HTR3D: variants seen among roughly 807,000 people sequenced by gnomAD.
The protein encoded by HTR3D is 5-hydroxytryptamine (serotonin) receptor 3 family member D.
Under a neutral mutation model 45.8 loss-of-function variants are expected in HTR3D, and 47 were observed. The ratio of observed to expected loss-of-function variants is 1.03; its 90% CI spans 0.81 to 1.31. The LOEUF (loss-of-function observed/expected upper bound fraction) is 1.31, where lower values mean the gene tolerates loss of function less well. HTR3D is among the 50% of genes most tolerant of loss of function. The pLI is 0.00. For missense variants in HTR3D, 448 were observed against 506.9 expected (o/e 0.88, Z 1.12); for synonymous variants, 203 against 199.8 (o/e 1.02, Z -0.13).
chr3:184,038,746 G>A lies in HTR3D; in HGVS notation c.986G>A (p.Gly329Asp), dbSNP rs2108963825. The change falls in exon 8 of 8, where the codon GGT (glycine) becomes GAT (aspartate). Residue 329 changes from glycine to aspartate, a missense_variant and splice_region_variant. Gly to Asp is a moderately conservative substitution (Grantham distance 94). Transcript: ENST00000428798. This position sits in a 1 kb window ranked among gnomAD's most constrained non-coding sequence, Gnocchi z 4.5. The part of the protein sequence containing the change: ...GPGLTPTHLP[G>D]VKEPEVSAGQ... ...TGGCTGAGTCTCTGTCTTTCTGTAG[G>A]TGTGAAGGAGCCAGAGGTATCAGCA... is the stretch of plus-strand genomic sequence containing the variant. 1 of 1,590,530 alleles carries A rather than the reference G, an allele frequency of 6.3e-7. No homozygotes were observed. The highest frequency in any genetic ancestry group is 2.3e-5 in the East Asian group (1 of 44,238).
intron 5 of HTR3D, among the ~76,000 whole-genome samples, chr3:184,037,785 G>A (rs889747928): frequency 6.6e-6 from 1 of 152,206 alleles, no homozygotes; most frequent in South Asian, 2.1e-4. Flanking sequence ...AATTTAAGTG[G>A]AGAAAGTTGA....
Position 184,039,034 on chromosome 3 carries a change from C to T in HTR3D, c.*59C>T. 2.6e-6 allele frequency: 4 copies of T among 1,555,876 alleles called. No individual in the cohort carries two copies. In the Admixed American group the frequency reaches 7.1e-5, roughly 27 times the overall value. ...TCTTTTTGCCAGAGAACTCCAGAAACCAGTCAGGCTCTCAGTCAGCCTTGT... is the reference window on the plus strand; with the variant it reads ...TCTTTTTGCCAGAGAACTCCAGAAATCAGTCAGGCTCTCAGTCAGCCTTGT... On this transcript the variant is annotated 3_prime_UTR_variant, in exon 8 of 8. Coordinates refer to ENST00000428798, the MANE Select transcript of HTR3D (RefSeq NM_001145143.1).
Position 184,036,379 on chromosome 3 carries a change from G to C in HTR3D, c.202G>C (p.Asp68His). 2 of 1,614,112 alleles carry C rather than the reference G, an allele frequency of 1.2e-6. No homozygotes were observed. The change falls in exon 4 of 8, where the codon GAT becomes CAT. Residue 68 changes from aspartate to histidine, a missense_variant. Coordinates refer to ENST00000428798, the MANE Select transcript of HTR3D (RefSeq NM_001145143.1). ...CCTTCTCCCACACAGCATCAGTGTG[G>C]ATCAGACACCTGCAGGTCTCATGGC... ...LSDVFIEESV[D>H]QTPAGLMASM...
chr3:184,032,149 G>A (rs2014046), intron 1 of HTR3D, among the ~76,000 whole-genome samples: 53,649 of 151,746 alleles, frequency 0.35, 10,021 homozygotes, highest in African/African-American at 0.47. Flanking sequence ...ACCTGCCACC[G>A]TGCCTGGCTA....
At position 184,038,561 on chromosome 3, in the gene HTR3D, T is replaced by G; in HGVS notation, c.922T>G (p.Cys308Gly). The change falls in exon 7 of 8, where the codon TGC (cysteine) becomes GGC (glycine). Residue 308 changes from cysteine to glycine, a missense_variant. Transcript: ENST00000428798. The surrounding 1 kb of genome is among the most constrained non-coding windows in gnomAD (Gnocchi z 4.5). The part of the protein sequence containing the change: ...LLLHCTGQGR[C>G]CPTAPQKGNK... ...GCTGCACTGCACCGGCCAAGGGAGA[T>G]GCTGTCCCACTGCGCCCCAGAAGGG... The G allele has an allele frequency of 6.2e-7, 1 of 1,613,964 alleles. No individual in the cohort carries two copies. Among genetic ancestry groups the G allele is most frequent in the Non-Finnish European group, 8.5e-7 (1 of 1,180,022 alleles).
chr3:184,035,676 T>C (rs1722864347), intron 2 of HTR3D, among the ~76,000 whole-genome samples: 1 of 150,110 alleles, frequency 6.7e-6, no homozygotes, highest in African/African-American at 2.5e-5. Context: ...CCTACAGACC[T>C]AGCACAATCA....
intron 3 of HTR3D, 103 bp from the exon 4 acceptor site, chr3:184,036,272 G>A (rs1234082901): frequency 6.6e-7 from 1 of 1,517,916 alleles, no homozygotes; most frequent in Non-Finnish European, 8.9e-7. Flanking sequence ...ATCTGAGTGG[G>A]GCTGGAGCTC....
intron 1 of HTR3D, among the ~76,000 whole-genome samples, chr3:184,034,118 GA>G (rs1029649916): frequency 2.6e-5 from 4 of 151,862 alleles, no homozygotes; most frequent in Non-Finnish European, 5.9e-5. Flanking sequence ...ATAAATACCC[GA>G]AAAAAGTGAA....
In HTR3D at chr3:184,035,610, A is replaced by G. The variant is rs115431347; in HGVS notation, c.111+388A>G. On this transcript the variant is annotated intron_variant, in intron 2 of 7. Transcript: ENST00000428798. Reference sequence around the variant, plus strand: ...GAAAAAAGGAAAGGGAAGGTGCAGAAGACAGAGCAAAACTAAAACTAGTTC... The same window carrying G: ...GAAAAAAGGAAAGGGAAGGTGCAGAGGACAGAGCAAAACTAAAACTAGTTC... Among the ~76,000 whole-genome samples, 158 of 152,290 alleles carry G rather than the reference A, an allele frequency of 1.0e-3. 1 individual carries two copies. The highest frequency in any genetic ancestry group is 3.7e-3 in the African/African-American group (153 of 41,578).
rs900900202 is a variant in HTR3D at position 184,031,830 on chromosome 3, G to A, written c.66+23G>A. ...CAAGTACCTTAAGATAAGAGCAAGA[G>A]CTGAGCAGACATGTAACTCCTGGGA... is the stretch of plus-strand genomic sequence containing the variant. On this transcript the variant is annotated intron_variant, in intron 1 of 7. Transcript: ENST00000428798. 2.0e-5 allele frequency: 30 copies of A among 1,528,512 alleles called. No homozygotes were observed. In the African/African-American group the frequency reaches 4.0e-4, roughly 20 times the overall value. 94.7% of individuals were successfully genotyped at this position (1,528,512 alleles called of 1,614,324 possible).
chr3:184,032,116 C>T (rs374213607), intron 1 of HTR3D, among the ~76,000 whole-genome samples: 1 of 151,896 alleles, frequency 6.6e-6, no homozygotes, highest in Non-Finnish European at 1.5e-5. Context: ...GCCTCAGCCT[C>T]CCAAGTAGCT....
intron 1 of HTR3D, among the ~76,000 whole-genome samples, chr3:184,032,162 T>C (rs1299960186): frequency 6.6e-6 from 1 of 152,018 alleles, no homozygotes; most frequent in Non-Finnish European, 1.5e-5. Context: ...CCTGGCTAAT[T>C]TTTGTATTTT....
chr3:184,038,102 G>T lies in HTR3D; in HGVS notation c.598G>T (p.Ala200Ser). Residue 200 changes from alanine to serine, a missense_variant, in exon 6 of 8, where the codon GCC becomes TCC. Physicochemically the swap from Ala to Ser is moderately conservative, Grantham distance 99 (BLOSUM62 1). Coordinates refer to ENST00000428798, the MANE Select transcript of HTR3D (RefSeq NM_001145143.1). This position sits in a 1 kb window ranked among gnomAD's most constrained non-coding sequence, Gnocchi z 4.5. Reference protein sequence around the residue: ...VPSGILIAIDALSFYLPLESG... With the variant: ...VPSGILIAIDSLSFYLPLESG... Reference sequence around the variant, plus strand: ...CAGTGGCATTCTGATTGCCATCGATGCCCTCAGTTTCTACCTGCCACTGGA... The same window carrying T: ...CAGTGGCATTCTGATTGCCATCGATTCCCTCAGTTTCTACCTGCCACTGGA... 3 of 1,614,130 alleles carry T rather than the reference G, an allele frequency of 1.9e-6. No homozygotes were observed. In the African/African-American group the frequency reaches 4.0e-5, roughly 22 times the overall value.
intron 2 of HTR3D, 42 bp downstream of exon 2, chr3:184,035,264 T>C: frequency 6.6e-7 from 1 of 1,516,650 alleles, no homozygotes; most frequent in Non-Finnish European, 9.0e-7. Flanking sequence ...CTCTGGTGCC[T>C]CTCTTTTTTC....
At position 184,031,795 on chromosome 3, in the gene HTR3D, CCTG is replaced by C; in HGVS notation, c.62_64del (p.Leu21del). 1 of 1,551,058 alleles carries C rather than the reference CCTG, an allele frequency of 6.4e-7. No homozygotes were observed. The highest frequency in any genetic ancestry group is 8.7e-7 in the Non-Finnish European group (1 of 1,146,508). On this transcript the variant is annotated inframe_deletion, in exon 1 of 8. Transcript: ENST00000428798. ...GATTCCTCCTTGGCTTCATCCTCCA[CCTG>C]CTGCTGCAAGTACCTTAAGATAAGA...
At chr3:184,033,119 ATT>A (rs879211143) in intron 1 of HTR3D, 24,207 of 870,696 alleles carry the variant, frequency 0.028, no homozygotes, top group South Asian at 0.033. Context: ...CTCTGACTGG[ATT>A]TTTTTTTTTT....
In HTR3D at chr3:184,036,742, C is replaced by T. The variant is rs1201602744; in HGVS notation, c.368-6C>T. ...TCTGGGCCTGCTTTGCAGTGGAGAA[C>T]ACGAGCCCGGGCATGGAGAAGGATG... On this transcript the variant is annotated splice_region_variant and splice_polypyrimidine_tract_variant and intron_variant, in intron 4 of 7. Transcript: ENST00000428798. The T allele has an allele frequency of 1.3e-6, 2 of 1,552,174 alleles. No homozygotes were observed. The highest frequency in any genetic ancestry group is 2.4e-5 in the East Asian group (1 of 40,924).
intron 1 of HTR3D, chr3:184,032,940 A>C (rs1722790321): frequency 2.6e-6 from 4 of 1,552,696 alleles, no homozygotes; most frequent in Non-Finnish European, 3.5e-6. Flanking sequence ...TTTGGCCAGC[A>C]CAGGGTGGAC....
chr3:184,036,095 G>C lies in HTR3D; in HGVS notation c.192G>C (p.Glu64Asp). 1 of 1,550,618 alleles carries C rather than the reference G, an allele frequency of 6.4e-7. No homozygotes were observed. Among genetic ancestry groups the C allele is most frequent in the Non-Finnish European group, 8.7e-7 (1 of 1,146,672 alleles). The change falls in exon 3 of 8, where the codon GAG (glutamate) becomes GAC (aspartate). Residue 64 changes from glutamate (E) to aspartate (D), a missense_variant. Coordinates refer to ENST00000428798, the MANE Select transcript of HTR3D (RefSeq NM_001145143.1). ...TATGGCTTTCAGATGTCTTCATCGA[G>C]GAGTCGTGAGTCTCAGGCCAAAAAA... ...ENLWLSDVFI[E>D]ESVDQTPAGL...
Sources: gnomAD v4.1 joint callset for allele counts (sites outside exome capture counted in the v4.1 genomes callset) on GRCh38, gnomAD v4.1.1 for gene constraint, Gnocchi (gnomAD v3.1) non-coding constraint, MANE v1.5 for transcripts, NCBI Gene and HGNC (gene_info 2026-07-23, HGNC 2026-07-21) for gene names.